GPC5: variants seen among roughly 807,000 people sequenced by gnomAD.
GPC5 encodes glypican 5.
Under a neutral mutation model 53.9 loss-of-function variants are expected in GPC5, and 47 were observed. The observed-to-expected ratio is 0.87, with a 90% confidence interval of 0.69 to 1.11. The LOEUF (loss-of-function observed/expected upper bound fraction) is 1.11. GPC5 is among the 50% of genes most tolerant of loss of function. GPC5 has a pLI of 0.00. For missense variants in GPC5, 748 were observed against 713.1 expected (o/e 1.05, Z -0.56); for synonymous variants, 286 against 263.3 (o/e 1.09, Z -0.84).
At chr13:92,296,511 C>T (rs989609054) in intron 7 of GPC5, among the ~76,000 whole-genome samples, 6 of 152,158 alleles carry the variant, frequency 3.9e-5, no homozygotes, top group Non-Finnish European at 8.8e-5. Flanking sequence ...TGGCAGCCCT[C>T]AGAGCCCTCG....
At chr13:91,833,692 C>T (rs1295413555) in intron 5 of GPC5, among the ~76,000 whole-genome samples, 2 of 151,924 alleles carry the variant, frequency 1.3e-5, no homozygotes, top group African/African-American at 4.8e-5. Flanking sequence ...AATTCAATAC[C>T]CCTTCATGCT....
intron 7 of GPC5, among the ~76,000 whole-genome samples, chr13:92,492,950 C>A (rs1594247784): frequency 6.6e-6 from 1 of 152,128 alleles, no homozygotes. Flanking sequence ...AGCAGCCTCA[C>A]CCTGAGGCTG....
intron 5 of GPC5, among the ~76,000 whole-genome samples, chr13:91,858,447 A>G (rs539076095): frequency 1.6e-4 from 24 of 151,964 alleles, no homozygotes; most frequent in East Asian, 5.8e-4. Flanking sequence ...CCTTCATTCT[A>G]TTGATATGAT....
intron 7 of GPC5, among the ~76,000 whole-genome samples, chr13:92,408,069 C>A (rs1393584014): frequency 6.6e-6 from 1 of 152,200 alleles, no homozygotes; most frequent in African/African-American, 2.4e-5. Flanking sequence ...AGGAGGTAAG[C>A]AGCCAGCCAG....
At position 92,024,663 on chromosome 13, in the gene GPC5, T is replaced by C. The variant is rs146412642; in HGVS notation, c.1401+116606T>C. ...TGTTCCTCTTATTCTTACCTCCAAA[T>C]AGATGTTTATCTACTTAAGTACTTT... is the stretch of plus-strand genomic sequence containing the variant. On this transcript the variant is annotated intron_variant, in intron 6 of 7. Transcript: ENST00000377067. 9.0e-3 allele frequency among the ~76,000 whole-genome samples: 1,375 copies of C among 152,272 alleles called. 33 individuals are homozygous for C. Among genetic ancestry groups the C allele is most frequent in the African/African-American group, 0.032 (1,318 of 41,570 alleles).
At chr13:91,963,232 C>T (rs1326964493) in intron 6 of GPC5, among the ~76,000 whole-genome samples, 3 of 152,118 alleles carry the variant, frequency 2.0e-5, no homozygotes, top group Admixed American at 2.0e-4. Context: ...AATAGGAATC[C>T]TAATTCCCTG....
chr13:92,018,007 C>T (rs952825395), intron 6 of GPC5, among the ~76,000 whole-genome samples: 2 of 151,694 alleles, frequency 1.3e-5, no homozygotes, highest in African/African-American at 4.8e-5. Flanking sequence ...CGAGTACACA[C>T]ATACACATGC....
At chr13:91,992,446 A>T (rs1209452193) in intron 6 of GPC5, among the ~76,000 whole-genome samples, 1 of 147,092 alleles carries the variant, frequency 6.8e-6, no homozygotes, top group African/African-American at 2.6e-5. Context: ...AAACATTTGT[A>T]TGAAGCTATT....
chr13:91,707,520 C>T (rs7985614), intron 3 of GPC5, among the ~76,000 whole-genome samples: 128 of 152,230 alleles, frequency 8.4e-4, no homozygotes, highest in African/African-American at 2.9e-3. Context: ...GCTCAGGAAG[C>T]TCATGTGTGA....
intron 2 of GPC5, among the ~76,000 whole-genome samples, chr13:91,470,157 T>C (rs1652130421): frequency 6.6e-6 from 1 of 152,192 alleles, no homozygotes; most frequent in Non-Finnish European, 1.5e-5. Flanking sequence ...ATTAAAAGCA[T>C]AGTAGCTTGG....
At chr13:92,079,391 C>A (rs1454627989) in intron 6 of GPC5, among the ~76,000 whole-genome samples, 2 of 152,206 alleles carry the variant, frequency 1.3e-5, no homozygotes, top group Non-Finnish European at 2.9e-5. Context: ...CCACTCATCA[C>A]CTAGTGCTCT....
intron 6 of GPC5, among the ~76,000 whole-genome samples, chr13:92,104,884 T>A (rs1228831743): frequency 6.6e-6 from 1 of 152,094 alleles, no homozygotes; most frequent in African/African-American, 2.4e-5. Context: ...TCCATCAAGA[T>A]CTTTGCAGTG....
chr13:91,623,592 A>C (rs965425375), intron 2 of GPC5, among the ~76,000 whole-genome samples: 7 of 152,140 alleles, frequency 4.6e-5, no homozygotes, highest in Non-Finnish European at 7.4e-5. Flanking sequence ...GAAGTTTCAT[A>C]GGTTGTGCAT....
At chr13:92,252,431 T>C (rs2042698814) in intron 7 of GPC5, among the ~76,000 whole-genome samples, 1 of 152,090 alleles carries the variant, frequency 6.6e-6, no homozygotes, top group East Asian at 1.9e-4. Flanking sequence ...TAAAGACAGA[T>C]TTTGCAGCAT....
chr13:91,902,775 C>A (rs566208888), intron 5 of GPC5, among the ~76,000 whole-genome samples: 1 of 151,990 alleles, frequency 6.6e-6, no homozygotes, highest in East Asian at 1.9e-4. Flanking sequence ...TTTTTGCATG[C>A]AAATTAAAGC....
intron 7 of GPC5, among the ~76,000 whole-genome samples, chr13:92,747,779 G>A (rs1213424992): frequency 6.6e-6 from 1 of 152,078 alleles, no homozygotes; most frequent in Non-Finnish European, 1.5e-5. Context: ...GCTATTGATT[G>A]GGCATTTACT....
chr13:91,421,930 A>G (rs1878663673), intron 1 of GPC5, among the ~76,000 whole-genome samples: 1 of 152,204 alleles, frequency 6.6e-6, no homozygotes, highest in African/African-American at 2.4e-5. Flanking sequence ...AATTGCCCAC[A>G]ATGAAGTCAG....
chr13:92,433,885 A>G (rs1400311760), intron 7 of GPC5, among the ~76,000 whole-genome samples: 1 of 152,178 alleles, frequency 6.6e-6, no homozygotes, highest in African/African-American at 2.4e-5. Context: ...CAAGCTTTAC[A>G]TGATTAGGAT....
intron 5 of GPC5, among the ~76,000 whole-genome samples, chr13:91,847,329 GGTTTCTATATGTATCTTTATTATAATTGT>G (rs2038862597): frequency 1.3e-5 from 2 of 151,690 alleles, no homozygotes. Context: ...CTGTTAAATA[GGTTTCTATATGTATCTTTATTATAATTGT>G]GTGTGTGTGT....
Sources: allele counts gnomAD v4.1 joint callset (sites outside exome capture counted in the v4.1 genomes callset), GRCh38; gene constraint gnomAD v4.1.1; transcripts MANE v1.5; gene names NCBI Gene and HGNC (gene_info 2026-07-23, HGNC 2026-07-21).